Variants in DHRS2 observed in about 807,000 individuals in gnomAD.
DHRS2 encodes the protein dehydrogenase/reductase 2.
A neutral mutation model predicts 26.3 loss-of-function variants in DHRS2; 29 were observed. The ratio of observed to expected loss-of-function variants is 1.10; its 90% CI spans 0.82 to 1.50. The LOEUF is 1.50. Among genes scored for constraint, DHRS2 ranks in the 40% most tolerant of loss-of-function variants. The pLI, the probability that DHRS2 is intolerant of heterozygous loss-of-function variation, is 0.00. For synonymous variants in DHRS2, 164 were observed against 151.3 expected (o/e 1.08, Z -0.62); for missense variants, 439 against 367.1 (o/e 1.20, Z -1.60).
chr14:23,645,576 C>T lies in DHRS2; in HGVS notation c.*323C>T, dbSNP rs1890845858. On this transcript the variant is annotated 3_prime_UTR_variant, in exon 9 of 9. Coordinates refer to ENST00000250383, the MANE Select transcript of DHRS2 (RefSeq NM_005794.4). ...TCAGGCCTTTGAAGGATTTCAGCTC[C>T]TCCTCTCTGTAATTTGTGCTTTAAG... is the stretch of plus-strand genomic sequence containing the variant. The T allele has an allele frequency of 4.9e-6, 2 of 408,078 alleles. No homozygotes were observed. The highest frequency in any genetic ancestry group is 4.8e-5 in the South Asian group (1 of 20,746). 25.3% of individuals were successfully genotyped at this position (408,078 alleles called of 1,614,324 possible). A position where few individuals can be genotyped will look rare whatever the true frequency, so the allele number is the denominator to read the frequency against.
chr14:23,639,737 T>A (rs1890548538), intron 3 of DHRS2, 57 bp from the exon 4 acceptor site: 1 of 1,518,796 alleles, frequency 6.6e-7, no homozygotes, highest in African/African-American at 1.4e-5. Context: ...TGGGCTGCCC[T>A]GGGAGGGATA....
At chr14:23,638,219 A>G (rs770820481) in intron 1 of DHRS2, 118 of 154,540 alleles carry the variant, frequency 7.6e-4, no homozygotes, top group Non-Finnish European at 1.2e-3. Flanking sequence ...GAAGCCAGCA[A>G]GACCACTAAC....
chr14:23,631,965 G>A (rs1017932672), upstream of DHRS2, among the ~76,000 whole-genome samples: 1 of 152,236 alleles, frequency 6.6e-6, no homozygotes, highest in African/African-American at 2.4e-5. Context: ...AGGCAGAGTT[G>A]CCTTTCCTTA....
At chr14:23,637,229 C>T (rs1331641609) in intron 1 of DHRS2, among the ~76,000 whole-genome samples, 1 of 152,230 alleles carries the variant, frequency 6.6e-6, no homozygotes, top group Non-Finnish European at 1.5e-5. Flanking sequence ...TAAAAAACCA[C>T]TCCCTGTCTC....
chr14:23,636,055 CTG>C (rs1343649643), upstream of DHRS2, among the ~76,000 whole-genome samples: 3 of 152,182 alleles, frequency 2.0e-5, no homozygotes, highest in Non-Finnish European at 4.4e-5. Flanking sequence ...CATCAGCACT[CTG>C]TGTCTAGCTA....
intron 4 of DHRS2, 28 bp from the exon 5 acceptor site, chr14:23,643,124 C>T: frequency 2.5e-6 from 4 of 1,612,662 alleles, no homozygotes; most frequent in South Asian, 2.2e-5. Context: ...GTCTCTCTGC[C>T]CTCACCCATG....
chr14:23,634,460 T>G (rs896766540), upstream of DHRS2, among the ~76,000 whole-genome samples: 8 of 152,108 alleles, frequency 5.3e-5, no homozygotes, highest in Admixed American at 1.3e-4. Flanking sequence ...GCCCTGCATT[T>G]CTCTGTATTT....
intron 1 of DHRS2, among the ~76,000 whole-genome samples, chr14:23,637,400 G>T (rs919652555): frequency 6.6e-6 from 1 of 152,178 alleles, no homozygotes; most frequent in Admixed American, 6.5e-5. Context: ...TCCCTCCTCA[G>T]ATAAGCAGGT....
intron 2 of DHRS2, 53 bp from the exon 3 acceptor site, chr14:23,639,124 GAA>G: frequency 1.2e-6 from 2 of 1,601,364 alleles, no homozygotes; most frequent in Non-Finnish European, 1.7e-6. Flanking sequence ...CTGGGTAGAG[GAA>G]GGACAGTGGA....
At chr14:23,631,925 T>C (rs1439128026), upstream of DHRS2, among the ~76,000 whole-genome samples, 1 of 152,138 alleles carries the variant, frequency 6.6e-6, no homozygotes, top group Non-Finnish European at 1.5e-5. Context: ...CCTGACTTCA[T>C]CTCTGCAGGT....
intron 7 of DHRS2, 108 bp downstream of exon 7, chr14:23,644,651 C>G: frequency 6.5e-7 from 1 of 1,547,116 alleles, no homozygotes; most frequent in Middle Eastern, 1.7e-4. Flanking sequence ...ATGCCTATGA[C>G]TGAGGTCCTC....
intron 4 of DHRS2, 44 bp from the exon 5 acceptor site, chr14:23,643,108 G>T: frequency 1.2e-6 from 2 of 1,604,884 alleles, no homozygotes; most frequent in South Asian, 2.2e-5. Flanking sequence ...GACTTGGGCT[G>T]ACCATGTCTC....
At chr14:23,638,772 T>G (rs1272103585) in intron 1 of DHRS2, 55 bp from the exon 2 acceptor site, 1 of 1,523,376 alleles carries the variant, frequency 6.6e-7, no homozygotes, top group Non-Finnish European at 8.9e-7. Flanking sequence ...GAGGGTAGAT[T>G]ACCTTCATGC....
rs1312928224 is a variant in DHRS2 at position 23,636,382 on chromosome 14, C to T, written c.-429C>T. 1 of 151,934 alleles carries T rather than the reference C, an allele frequency of 6.6e-6. No individual in the cohort carries two copies. The highest frequency in any genetic ancestry group is 1.5e-5 in the Non-Finnish European group (1 of 67,962). The allele number at this position is 151,934 out of a possible 1,614,324, so 9.4% of individuals were successfully genotyped here. A position where few individuals can be genotyped will look rare whatever the true frequency, so the allele number is the denominator to read the frequency against. On this transcript the variant is annotated 5_prime_UTR_variant, in exon 1 of 9. Transcript: ENST00000250383. ...CGGCAGCAGCAACCTGCTCTGGTTC[C>T]CTTCCACGCTGTGGAAGCTTTGTTC...
intron 5 of DHRS2, 119 bp from the exon 6 acceptor site, chr14:23,643,992 G>A: frequency 3.0e-6 from 3 of 1,009,572 alleles, no homozygotes; most frequent in South Asian, 2.6e-5. Context: ...CTGAGATGGG[G>A]ACAGTAATAG....
chr14:23,633,220 C>T (rs145723755), upstream of DHRS2, among the ~76,000 whole-genome samples: 239 of 152,336 alleles, frequency 1.6e-3, 3 homozygotes, highest in African/African-American at 5.4e-3. Context: ...AGAGGCACAC[C>T]GTTCCCTTCT....
At chr14:23,631,867 A>G (rs1239309852), upstream of DHRS2, among the ~76,000 whole-genome samples, 1 of 152,194 alleles carries the variant, frequency 6.6e-6, no homozygotes, top group Non-Finnish European at 1.5e-5. Context: ...CCTCCCAGGC[A>G]AAAGAGGGGC....
At chr14:23,631,883 A>T (rs1057137367), upstream of DHRS2, among the ~76,000 whole-genome samples, 1 of 152,164 alleles carries the variant, frequency 6.6e-6, no homozygotes, top group African/African-American at 2.4e-5. Flanking sequence ...GGGGCTTTGC[A>T]TGGGAAGGGG....
chr14:23,639,310 T>C lies in DHRS2; in HGVS notation c.272T>C (p.Val91Ala). ...QGEGLSVAGI[V>A]CHVGKAEDRE... ...GAGGGGCTGAGTGTGGCGGGCATTG[T>C]GTGCCACGTGGGGAAGGCTGAGGAC... The change falls in exon 3 of 9, where the codon GTG (valine) becomes GCG (alanine). Residue 91 changes from valine to alanine, a missense_variant. Transcript: ENST00000250383. 1 of 1,592,184 alleles carries C rather than the reference T, an allele frequency of 6.3e-7. No individual in the cohort carries two copies. Among genetic ancestry groups the C allele is most frequent in the Non-Finnish European group, 8.5e-7 (1 of 1,169,960 alleles).
Sources: gnomAD v4.1 joint callset for allele counts (sites outside exome capture counted in the v4.1 genomes callset) on GRCh38, gnomAD v4.1.1 for gene constraint, MANE v1.5 for transcripts, NCBI Gene and HGNC (gene_info 2026-07-23, HGNC 2026-07-21) for gene names.